The following GRIA4 variants were observed in gnomAD, a reference collection of about 807,000 sequenced individuals.
GRIA4 encodes the protein glutamate receptor 4.
Under a neutral mutation model 104.0 loss-of-function variants are expected in GRIA4, and 34 were observed. The observed-to-expected ratio is 0.33, with a 90% CI of 0.25 to 0.44. GRIA4 has a LOEUF of 0.44. GRIA4 is among the 20% of genes least tolerant of loss of function. GRIA4 has a pLI of 1.00. For missense variants in GRIA4, 750 were observed against 1,096.5 expected (o/e 0.68, Z 4.46); for synonymous variants, 386 against 381.9 (o/e 1.01, Z -0.13).
At chr11:105,870,738 T>C (rs1164343426) in intron 5 of GRIA4, among the ~76,000 whole-genome samples, 1 of 152,050 alleles carries the variant, frequency 6.6e-6, no homozygotes, top group Non-Finnish European at 1.5e-5. Flanking sequence ...CCAAGGCAAA[T>C]TAAAGGCAGA....
At chr11:105,618,526 T>C (rs1950658406) in intron 3 of GRIA4, among the ~76,000 whole-genome samples, 1 of 151,884 alleles carries the variant, frequency 6.6e-6, no homozygotes, top group Non-Finnish European at 1.5e-5. Context: ...ATAAAAGATG[T>C]TTTTTCAGCC....
chr11:105,628,024 G>A (rs1180669625), intron 3 of GRIA4, among the ~76,000 whole-genome samples: 1 of 151,842 alleles, frequency 6.6e-6, no homozygotes, highest in Non-Finnish European at 1.5e-5. Flanking sequence ...AAAATGAGTT[G>A]AACAATTGCA....
chr11:105,730,180 A>G lies in GRIA4; in HGVS notation c.248-22801A>G, dbSNP rs1938498157. On this transcript the variant is annotated intron_variant, in intron 3 of 16. Coordinates refer to ENST00000282499, the MANE Select transcript of GRIA4 (RefSeq NM_000829.4). ...TTAAGCTGATAAGCAACTTCAGCAA[A>G]GTCTCAGGATACAAAATCAATGTGC... Among the ~76,000 whole-genome samples the G allele has an allele frequency of 1.3e-5, 2 of 152,222 alleles. 1 individual carries two copies. Among genetic ancestry groups the G allele is most frequent in the South Asian group, 4.1e-4 (2 of 4,830 alleles).
chr11:105,624,939 T>C (rs1343869406), intron 3 of GRIA4, among the ~76,000 whole-genome samples: 1 of 152,114 alleles, frequency 6.6e-6, no homozygotes, highest in East Asian at 1.9e-4. Flanking sequence ...AAGTATTACA[T>C]ATAGAATATA....
At chr11:105,967,029 A>AAT in intron 14 of GRIA4, among the ~76,000 whole-genome samples, 1 of 152,286 alleles carries the variant, frequency 6.6e-6, no homozygotes, top group Non-Finnish European at 1.5e-5. Context: ...TAAACATATA[A>AAT]ATATATACAT....
At chr11:105,714,483 T>C (rs1954023104) in intron 3 of GRIA4, among the ~76,000 whole-genome samples, 1 of 152,134 alleles carries the variant, frequency 6.6e-6, no homozygotes, top group Non-Finnish European at 1.5e-5. Context: ...TGAAAGTAAC[T>C]ATGACCTCAA....
intron 3 of GRIA4, chr11:105,613,255 T>C (rs1950523574): frequency 6.6e-6 from 1 of 152,106 alleles, no homozygotes; most frequent in African/African-American, 2.4e-5. Context: ...AAAAATACAA[T>C]CAACTGTGCA....
chr11:105,610,884 T>TG, intron 1 of GRIA4, 24 bp from the exon 2 acceptor site: 1 of 474,800 alleles, frequency 2.1e-6, no homozygotes, highest in Non-Finnish European at 3.7e-6. Flanking sequence ...TTTTTTTTTT[T>TG]TTTTTGGTTG....
chr11:105,692,233 T>C (rs1420680695), intron 3 of GRIA4, among the ~76,000 whole-genome samples: 2 of 151,998 alleles, frequency 1.3e-5, no homozygotes, highest in African/African-American at 2.4e-5. Flanking sequence ...ACATTACATA[T>C]ATAATCATTT....
chr11:105,650,722 G>A (rs1308439105), intron 3 of GRIA4, among the ~76,000 whole-genome samples: 1 of 152,030 alleles, frequency 6.6e-6, no homozygotes, highest in African/African-American at 2.4e-5. Flanking sequence ...CAAAGGAACT[G>A]GATTTTTTTC....
At chr11:105,663,212 A>T (rs1440568275) in intron 3 of GRIA4, among the ~76,000 whole-genome samples, 1 of 151,918 alleles carries the variant, frequency 6.6e-6, no homozygotes, top group East Asian at 1.9e-4. Flanking sequence ...GCCATTTTTA[A>T]TTTAGATTAT....
At chr11:105,943,901 TATA>T (rs1948242900) in intron 14 of GRIA4, among the ~76,000 whole-genome samples, 1 of 152,116 alleles carries the variant, frequency 6.6e-6, no homozygotes, top group Non-Finnish European at 1.5e-5. Flanking sequence ...TATAGGAATT[TATA>T]ATGTTTCATA....
intron 3 of GRIA4, among the ~76,000 whole-genome samples, chr11:105,719,076 A>G (rs1954205752): frequency 6.6e-6 from 1 of 152,152 alleles, no homozygotes; most frequent in African/African-American, 2.4e-5. Context: ...GTGACTGCTG[A>G]CATTTTAACT....
chr11:105,623,053 G>A (rs1950790758), intron 3 of GRIA4, among the ~76,000 whole-genome samples: 29 of 127,694 alleles, frequency 2.3e-4, no homozygotes, highest in African/African-American at 3.4e-4. Context: ...GTATTCCATT[G>A]TATATATATA....
intron 3 of GRIA4, among the ~76,000 whole-genome samples, chr11:105,648,568 C>A (rs1951597005): frequency 6.8e-6 from 1 of 146,094 alleles, no homozygotes. Context: ...AAAAAATTTG[C>A]AAAGATATTA....
At chr11:105,845,780 A>T (rs1490652453) in intron 4 of GRIA4, among the ~76,000 whole-genome samples, 3 of 152,142 alleles carry the variant, frequency 2.0e-5, no homozygotes, top group Non-Finnish European at 2.9e-5. Context: ...GCTAGTTGGG[A>T]GGCTGAGGCA....
chr11:105,620,640 G>A lies in GRIA4; in HGVS notation c.247+8206G>A, dbSNP rs544139320. Among the ~76,000 whole-genome samples, 7 of 151,894 alleles carry A rather than the reference G, an allele frequency of 4.6e-5. No individual in the cohort carries two copies. The South Asian group carries it at 1.2e-3, about 27-fold the overall frequency. On this transcript the variant is annotated intron_variant, in intron 3 of 16. Coordinates refer to ENST00000282499, the MANE Select transcript of GRIA4 (RefSeq NM_000829.4). ...ATTTTTCTATGTGGTTTGTAACGCAGCACAAAAATTTCAGAATCCAAAACT... is the reference window on the plus strand; with the variant it reads ...ATTTTTCTATGTGGTTTGTAACGCAACACAAAAATTTCAGAATCCAAAACT...
intron 14 of GRIA4, among the ~76,000 whole-genome samples, chr11:105,956,605 T>A (rs888967592): frequency 3.3e-5 from 5 of 152,336 alleles, no homozygotes; most frequent in Non-Finnish European, 5.9e-5. Flanking sequence ...TGATTTATAA[T>A]CCTTTGGGTA....
At chr11:105,768,328 T>C (rs1017734222) in intron 4 of GRIA4, among the ~76,000 whole-genome samples, 1 of 152,028 alleles carries the variant, frequency 6.6e-6, no homozygotes, top group East Asian at 1.9e-4. Context: ...TGTGTATGGA[T>C]AAAGGATGAT....
Sources: allele counts gnomAD v4.1 joint callset (sites outside exome capture counted in the v4.1 genomes callset), GRCh38; gene constraint gnomAD v4.1.1; transcripts MANE v1.5; gene names NCBI Gene and HGNC (gene_info 2026-07-23, HGNC 2026-07-21).